The following SNED1 variants were observed in gnomAD, a reference collection of about 807,000 sequenced individuals.
The protein encoded by SNED1 is sushi, nidogen and EGF like domains 1.
Under a neutral mutation model 166.7 loss-of-function variants are expected in SNED1, and 81 were observed. That is an observed-to-expected ratio of 0.49 (90% CI 0.41 to 0.58). The LOEUF (loss-of-function observed/expected upper bound fraction) is 0.58. Among genes scored for constraint, SNED1 ranks in the 20% least tolerant of loss-of-function variants. The pLI, the probability that SNED1 is intolerant of heterozygous loss-of-function variation, is 0.00. For missense variants in SNED1, 1,604 were observed against 2,000.2 expected, an observed-to-expected ratio of 0.80 and a Z score of 3.78; for synonymous variants, 762 against 822.0, an observed-to-expected ratio of 0.93 and a Z score of 1.25.
At chr2:241,022,084 T>TTTATTA (rs1225473374) in intron 1 of SNED1, among the ~76,000 whole-genome samples, 1 of 152,232 alleles carries the variant, frequency 6.6e-6, no homozygotes, top group Non-Finnish European at 1.5e-5. Context: ...TATTGAAGCT[T>TTTATTA]TTATTATTGA....
At chr2:241,031,987 A>C (rs886110345) in intron 2 of SNED1, among the ~76,000 whole-genome samples, 1 of 152,202 alleles carries the variant, frequency 6.6e-6, no homozygotes, top group African/African-American at 2.4e-5. Context: ...CTTATGCATG[A>C]TCCTGTCCTG....
chr2:241,028,320 T>C (rs1484532439), intron 1 of SNED1, among the ~76,000 whole-genome samples: 1 of 152,238 alleles, frequency 6.6e-6, no homozygotes, highest in Admixed American at 6.5e-5. Context: ...GTTTTTTCTT[T>C]TGTTGCCTGT....
chr2:241,065,815 G>A (rs1250202695), intron 21 of SNED1, among the ~76,000 whole-genome samples: 1 of 152,206 alleles, frequency 6.6e-6, no homozygotes, highest in South Asian at 2.1e-4. Context: ...GGATTGGGGC[G>A]CATAGAATCG....
At position 241,069,001 on chromosome 2, in the gene SNED1, C is replaced by G; in HGVS notation, c.3285C>G (p.Thr1095=). The change falls in exon 23 of 32, where the codon ACC becomes ACG. Residue 1095 remains threonine, a synonymous_variant. Coordinates refer to ENST00000310397, the MANE Select transcript of SNED1 (RefSeq NM_001080437.3). The surrounding 1 kb of genome is among the most constrained non-coding windows in gnomAD (Gnocchi z 4.9). ...GEEHPTESLA[T]APTHVWTRPL... ...AGCACCCCACAGAGAGCCTGGCCAC[C>G]GCGCCGACGCACGTGTGGACCCGTG... The G allele has an allele frequency of 4.5e-6, 7 of 1,552,798 alleles. No homozygotes were observed. Among genetic ancestry groups the G allele is most frequent in the Non-Finnish European group, 6.1e-6 (7 of 1,148,268 alleles).
chr2:241,058,880 G>A (rs914675729), intron 16 of SNED1, among the ~76,000 whole-genome samples: 5 of 152,038 alleles, frequency 3.3e-5, no homozygotes, highest in Non-Finnish European at 7.4e-5. Context: ...AACCTGGGAG[G>A]CGGAGCTTGC....
At chr2:241,044,408 C>G (rs1324680903) in intron 8 of SNED1, among the ~76,000 whole-genome samples, 3 of 152,220 alleles carry the variant, frequency 2.0e-5, no homozygotes, top group Non-Finnish European at 4.4e-5. Context: ...GTCTCTCCCC[C>G]ACTGAATACA....
At chr2:241,076,466 A>C (rs948798996) in intron 27 of SNED1, among the ~76,000 whole-genome samples, 1 of 152,210 alleles carries the variant, frequency 6.6e-6, no homozygotes, top group African/African-American at 2.4e-5. Flanking sequence ...ACCTTTGCAT[A>C]CTGACCTTAT....
In SNED1 at chr2:241,080,344, A is replaced by G. The variant is rs539713472; in HGVS notation, c.3917-1333A>G. On this transcript the variant is annotated intron_variant, in intron 27 of 31. Coordinates refer to ENST00000310397, the MANE Select transcript of SNED1 (RefSeq NM_001080437.3). ...TCTGTTAATTTGAAATGGAAATATT[A>G]GTATGAACTCATAATGTGTTTATTT... Among the ~76,000 whole-genome samples the G allele has an allele frequency of 2.4e-3, 359 of 152,352 alleles. 1 individual carries two copies. Among genetic ancestry groups the G allele is most frequent in the Non-Finnish European group, 3.9e-3 (266 of 68,026 alleles).
At chr2:241,071,303 A>C in intron 24 of SNED1, 1 of 550,184 alleles carries the variant, frequency 1.8e-6, no homozygotes, top group Non-Finnish European at 3.3e-6. Context: ...AGGGGCCTAG[A>C]CTCAGCCCTG....
chr2:241,051,473 G>C lies in SNED1; in HGVS notation c.1736-271G>C. Reference sequence around the variant, plus strand: ...TGTTGGGGCCGGTTCTCCACAGGAAGGGCCCAGCCATTGCCAGAGCCTGGG... The same window carrying C: ...TGTTGGGGCCGGTTCTCCACAGGAACGGCCCAGCCATTGCCAGAGCCTGGG... On this transcript the variant is annotated intron_variant, in intron 12 of 31. Transcript: ENST00000310397. The surrounding 1 kb of genome is among the most constrained non-coding windows in gnomAD (Gnocchi z 4.7). 1 of 367,520 alleles carries C rather than the reference G, an allele frequency of 2.7e-6. No individual in the cohort carries two copies. The highest frequency in any genetic ancestry group is 4.9e-6 in the Non-Finnish European group (1 of 205,488). 22.8% of individuals were successfully genotyped at this position (367,520 alleles called of 1,614,324 possible).
In SNED1 at chr2:240,999,764, C is replaced by T. The variant is rs944853619; in HGVS notation, c.213+714C>T. Among the ~76,000 whole-genome samples the T allele has an allele frequency of 1.3e-5, 2 of 152,142 alleles. No homozygotes were observed. The highest frequency in any genetic ancestry group is 2.1e-4 in the South Asian group (1 of 4,830). On this transcript the variant is annotated intron_variant, in intron 1 of 31. Coordinates refer to ENST00000310397, the MANE Select transcript of SNED1 (RefSeq NM_001080437.3). The surrounding 1 kb of genome is among the most constrained non-coding windows in gnomAD (Gnocchi z 5.8). ...GAGTGCCGGTTCTGTCTCCATGGCTCCCAGAGTGTGACCCCAGGCCAAGCC... is the reference window on the plus strand; with the variant it reads ...GAGTGCCGGTTCTGTCTCCATGGCTTCCAGAGTGTGACCCCAGGCCAAGCC...
intron 26 of SNED1, chr2:241,072,542 C>T (rs1485903837): frequency 3.1e-6 from 1 of 321,436 alleles, no homozygotes; most frequent in Non-Finnish European, 6.0e-6. Flanking sequence ...AGCCTAGTCA[C>T]CAGTTTAATG....
rs908629514 is a variant in SNED1 at position 241,089,935 on chromosome 2, A to G, written c.*1+1533A>G. On this transcript the variant is annotated intron_variant, in intron 31 of 31. Transcript: ENST00000310397. ...CAAGTGTGTGTGTATCTAAACGTAG[A>G]AAACCTACAGTAAAAATAGATATAA... is the stretch of plus-strand genomic sequence containing the variant. The G allele has an allele frequency of 7.1e-6, 11 of 1,538,604 alleles. No homozygotes were observed. The African/African-American group carries it at 1.5e-4, about 21-fold the overall frequency.
At chr2:241,065,647 C>T in intron 21 of SNED1, 52 bp downstream of exon 21, 2 of 1,517,654 alleles carry the variant, frequency 1.3e-6, no homozygotes. Context: ...CCCTCGAGGG[C>T]AGCGCTGGCC....
At chr2:241,031,692 G>A (rs574171525) in intron 2 of SNED1, among the ~76,000 whole-genome samples, 26 of 152,210 alleles carry the variant, frequency 1.7e-4, no homozygotes, top group Non-Finnish European at 2.6e-4. Flanking sequence ...GCTCTAGTCC[G>A]CCCTGTCCCC....
intron 7 of SNED1, 34 bp from the exon 8 acceptor site, chr2:241,040,266 C>A: frequency 6.3e-7 from 1 of 1,576,020 alleles, no homozygotes; most frequent in Non-Finnish European, 8.6e-7. Flanking sequence ...TGTGGCCTGG[C>A]TCAAGCCAAG....
rs576668795 is a variant in SNED1, at chr2:241,091,581, A to G, written c.*2-57A>G. On this transcript the variant is annotated intron_variant, in intron 31 of 31. Coordinates refer to ENST00000310397, the MANE Select transcript of SNED1 (RefSeq NM_001080437.3). This position sits in a 1 kb window ranked among gnomAD's most constrained non-coding sequence, Gnocchi z 4.1. ...GAGAAGCAGGAAGCAGCCCATTTAA[A>G]GAGGAGTGGGAATGCCTGTCATTCT... 6.6e-6 allele frequency: 1 copy of G among 152,360 alleles called. No homozygotes were observed. The highest frequency in any genetic ancestry group is 1.9e-4 in the East Asian group (1 of 5,194). 9.4% of individuals were successfully genotyped at this position (152,360 alleles called of 1,614,324 possible).
chr2:241,087,698 TG>T (rs141270290), intron 30 of SNED1: 200 of 1,363,252 alleles, frequency 1.5e-4, no homozygotes, highest in South Asian at 5.2e-4. Flanking sequence ...TGCTGGGTGC[TG>T]GGGGGGGTCA....
intron 1 of SNED1, among the ~76,000 whole-genome samples, chr2:241,001,049 G>A (rs895615833): frequency 2.8e-4 from 42 of 152,198 alleles, no homozygotes; most frequent in Admixed American, 2.6e-3. Flanking sequence ...CACCCAGGCC[G>A]AGCGGACCCT....
Sources: allele counts gnomAD v4.1 joint callset (sites outside exome capture counted in the v4.1 genomes callset), GRCh38; gene constraint gnomAD v4.1.1; non-coding constraint Gnocchi (gnomAD v3.1); transcripts MANE v1.5; gene names NCBI Gene and HGNC (gene_info 2026-07-23, HGNC 2026-07-21).